UBE2R2: variants seen among roughly 807,000 people sequenced by gnomAD.
UBE2R2 encodes the protein ubiquitin conjugating enzyme E2 R2, also known as ubiquitin-conjugating enzyme E2 R2.
In UBE2R2, 1 loss-of-function variant was observed where a neutral mutation model predicts 27.8. That is an observed-to-expected ratio of 0.04 (90% CI 0.01 to 0.17). The LOEUF (loss-of-function observed/expected upper bound fraction) is 0.17. UBE2R2 is among the 10% of genes least tolerant of loss of function. The pLI, the probability that UBE2R2 is intolerant of heterozygous loss-of-function variation, is 1.00. For synonymous variants in UBE2R2, 106 were observed against 113.3 expected, an observed-to-expected ratio of 0.94 and a Z score of 0.41; for missense variants, 100 against 291.0, an observed-to-expected ratio of 0.34 and a Z score of 4.78.
upstream of UBE2R2, among the ~76,000 whole-genome samples, chr9:33,815,427 T>C (rs1458807916): frequency 1.3e-5 from 2 of 152,254 alleles, no homozygotes; most frequent in Non-Finnish European, 2.9e-5. Flanking sequence ...AACTTGACTA[T>C]CTTTTCAATT....
chr9:33,889,355 C>G (rs545844104), intron 2 of UBE2R2, among the ~76,000 whole-genome samples: 1 of 152,150 alleles, frequency 6.6e-6, no homozygotes, highest in African/African-American at 2.4e-5. Flanking sequence ...CAAGGCAGTT[C>G]TCTCTTGCCT....
At chr9:33,880,569 A>T (rs150484190) in intron 1 of UBE2R2, among the ~76,000 whole-genome samples, 1 of 152,204 alleles carries the variant, frequency 6.6e-6, no homozygotes, top group Non-Finnish European at 1.5e-5. Context: ...TGCGTGTTCT[A>T]TGTGTCCACA....
At chr9:33,857,234 C>T (rs1821128436) in intron 1 of UBE2R2, among the ~76,000 whole-genome samples, 1 of 151,368 alleles carries the variant, frequency 6.6e-6, no homozygotes, top group African/African-American at 2.4e-5. Flanking sequence ...ATTCCCCTTA[C>T]TGTCACTTTA....
chr9:33,902,415 T>G (rs868264040), intron 3 of UBE2R2, among the ~76,000 whole-genome samples: 1 of 152,212 alleles, frequency 6.6e-6, no homozygotes, highest in Non-Finnish European at 1.5e-5. Context: ...TTTAAGTGAA[T>G]AATGCATGTA....
chr9:33,900,050 G>C (rs1822212184), intron 2 of UBE2R2, 124 bp from the exon 3 acceptor site: 1 of 607,390 alleles, frequency 1.6e-6, no homozygotes, highest in Non-Finnish European at 2.9e-6. Context: ...AACATAAAAA[G>C]CAGAATTGTT....
intron 1 of UBE2R2, among the ~76,000 whole-genome samples, chr9:33,834,859 G>A (rs1021107826): frequency 4.6e-5 from 7 of 151,036 alleles, no homozygotes; most frequent in African/African-American, 1.5e-4. Flanking sequence ...GCAGTAAGCC[G>A]AGATCGTGCC....
intron 1 of UBE2R2, among the ~76,000 whole-genome samples, chr9:33,834,192 C>CTT (rs144998603): frequency 6.4e-5 from 9 of 141,116 alleles, no homozygotes; most frequent in Non-Finnish European, 6.1e-5. Flanking sequence ...CTTGGAGCTT[C>CTT]TTTTTTTTTT....
chr9:33,903,077 C>T (rs1822279856), intron 3 of UBE2R2, among the ~76,000 whole-genome samples: 3 of 149,096 alleles, frequency 2.0e-5, no homozygotes, highest in Non-Finnish European at 4.4e-5. Context: ...CCAGCCTGGG[C>T]AACAAGAGTG....
Position 33,862,975 on chromosome 9 carries a change from T to C in UBE2R2, c.178-23906T>C, listed in dbSNP as rs550454939. Among the ~76,000 whole-genome samples, 168 of 152,062 alleles carry C rather than the reference T, an allele frequency of 1.1e-3. 1 individual carries two copies. The highest frequency in any genetic ancestry group is 3.9e-3 in the African/African-American group (161 of 41,496). On this transcript the variant is annotated intron_variant, in intron 1 of 4. Transcript: ENST00000263228. Reference sequence around the variant, plus strand: ...AGGCCTAGGTGGGCAGATCATGAGGTCAGGAGATTGAGACCATCCTGGCTA... The same window carrying C: ...AGGCCTAGGTGGGCAGATCATGAGGCCAGGAGATTGAGACCATCCTGGCTA...
In UBE2R2 at chr9:33,917,717, A is replaced by AAG. The variant is rs59827470; in HGVS notation, c.*480_*481insAG. ...AAACAAACTTTAAAAAAAAAAAAAAACAAATTTGCCAAGGTTTAGCTGCTC... is the reference window on the plus strand; with the variant it reads ...AAACAAACTTTAAAAAAAAAAAAAAAAGCAAATTTGCCAAGGTTTAGCTGCTC... On this transcript the variant is annotated 3_prime_UTR_variant, in exon 5 of 5. Transcript: ENST00000263228. 70 of 181,462 alleles carry AAG rather than the reference A, an allele frequency of 3.9e-4. No homozygotes were observed. The highest frequency in any genetic ancestry group is 5.6e-4 in the Non-Finnish European group (49 of 86,902). The allele number at this position is 181,462 out of a possible 1,614,324, so 11.2% of individuals were successfully genotyped here.
rs11788436 is a variant in UBE2R2, at chr9:33,886,569, C to T, written c.178-312C>T. The stretch of plus-strand genomic sequence containing the variant: ...ACTCGGGAGGCTGAGGCAGGAGAAT[C>T]GCTTGGACCTGGGAGGTGGAGGTTG... On this transcript the variant is annotated intron_variant, in intron 1 of 4. Transcript: ENST00000263228. 4.0e-4 allele frequency among the ~76,000 whole-genome samples: 60 copies of T among 150,510 alleles called. No homozygotes were observed. The East Asian group carries it at 0.011, about 28-fold the overall frequency.
At chr9:33,838,231 T>G (rs1820655446) in intron 1 of UBE2R2, among the ~76,000 whole-genome samples, 1 of 151,452 alleles carries the variant, frequency 6.6e-6, no homozygotes, top group Admixed American at 6.6e-5. Flanking sequence ...GCTGTATTTT[T>G]TAGTTTGTAT....
chr9:33,852,086 G>A (rs1247721798), intron 1 of UBE2R2, among the ~76,000 whole-genome samples: 1 of 152,022 alleles, frequency 6.6e-6, no homozygotes, highest in African/African-American at 2.4e-5. Flanking sequence ...GTGAGGGTGA[G>A]GACTGCTGAG....
At chr9:33,848,409 T>C (rs1359976957) in intron 1 of UBE2R2, among the ~76,000 whole-genome samples, 1 of 152,140 alleles carries the variant, frequency 6.6e-6, no homozygotes, top group Non-Finnish European at 1.5e-5. Context: ...TCCTGGAGAC[T>C]AAGATGATAT....
chr9:33,918,320 C>CT lies in UBE2R2; in HGVS notation c.*1085dup, dbSNP rs1333517712. 1 of 152,004 alleles carries CT rather than the reference C, an allele frequency of 6.6e-6. No homozygotes were observed. The highest frequency in any genetic ancestry group is 2.4e-5 in the African/African-American group (1 of 41,358). The allele number at this position is 152,004 out of a possible 1,614,324, so 9.4% of individuals were successfully genotyped here. A position where few individuals can be genotyped will look rare whatever the true frequency, so the allele number is the denominator to read the frequency against. Reference sequence around the variant, plus strand: ...TAAGATTTCGGTTTTCATCGAGCTGCTTATACTGATAGTGAAAAACTTGGA... The same window carrying CT: ...TAAGATTTCGGTTTTCATCGAGCTGCTTTATACTGATAGTGAAAAACTTGGA... On this transcript the variant is annotated 3_prime_UTR_variant, in exon 5 of 5. Transcript: ENST00000263228.
chr9:33,819,620 A>C (rs1446515840), intron 1 of UBE2R2, among the ~76,000 whole-genome samples: 1 of 151,514 alleles, frequency 6.6e-6, no homozygotes, highest in African/African-American at 2.4e-5. Flanking sequence ...TAGTTGTACA[A>C]AATTGAATGT....
At position 33,920,150 on chromosome 9, in the gene UBE2R2, C is replaced by T. The variant is rs1822779731; in HGVS notation, c.*2913C>T. On this transcript the variant is annotated 3_prime_UTR_variant, in exon 5 of 5. Transcript: ENST00000263228. ...CTCCACCCCTCCCATCCTGATAAAA[C>T]AAACAAGGTTTACATTTACAACTAA... The T allele has an allele frequency of 6.6e-6, 1 of 152,166 alleles. No homozygotes were observed. Among genetic ancestry groups the T allele is most frequent in the Admixed American group, 6.6e-5 (1 of 15,254 alleles). 9.4% of individuals were successfully genotyped at this position (152,166 alleles called of 1,614,324 possible).
At chr9:33,851,720 G>A (rs1820971227) in intron 1 of UBE2R2, among the ~76,000 whole-genome samples, 1 of 152,060 alleles carries the variant, frequency 6.6e-6, no homozygotes, top group Admixed American at 6.6e-5. Flanking sequence ...TATTTTGTGA[G>A]GAGGTGCTTT....
Position 33,891,047 on chromosome 9 carries a change from G to GTTTTTTTGTTTT in UBE2R2, c.264+4088_264+4099dup, listed in dbSNP as rs1554676114. ...ATGTCATGTTTTTTGTTGTTGTTGT[G>GTTTTTTTGTTTT]TTTTTTTGTTTTTTTTTTTTGAGAT... On this transcript the variant is annotated intron_variant, in intron 2 of 4. Coordinates refer to ENST00000263228, the MANE Select transcript of UBE2R2 (RefSeq NM_017811.4). Among the ~76,000 whole-genome samples the GTTTTTTTGTTTT allele has an allele frequency of 1.4e-3, 182 of 126,406 alleles. 1 individual carries two copies. The highest frequency in any genetic ancestry group is 5.6e-3 in the Admixed American group (67 of 11,990). 82.9% of individuals were successfully genotyped at this position (126,406 alleles called of 152,430 possible).
Sources: allele counts gnomAD v4.1 joint callset (sites outside exome capture counted in the v4.1 genomes callset), GRCh38; gene constraint gnomAD v4.1.1; transcripts MANE v1.5; gene names NCBI Gene and HGNC (gene_info 2026-07-23, HGNC 2026-07-21).